The following EHBP1L1 variants were observed in gnomAD, a reference collection of about 807,000 sequenced individuals.
EHBP1L1 encodes EH domain-binding protein 1-like protein 1.
In EHBP1L1, 122 loss-of-function variants were observed where a neutral mutation model predicts 151.1. That is an observed-to-expected ratio of 0.81 (90% confidence interval 0.70 to 0.94). The LOEUF (loss-of-function observed/expected upper bound fraction) is 0.94, where lower values mean the gene tolerates loss of function less well. EHBP1L1 is among the 40% of genes least tolerant of loss of function. The pLI, the probability that EHBP1L1 is intolerant of heterozygous loss-of-function variation, is 0.00. For synonymous variants in EHBP1L1, 878 were observed against 810.1 expected (o/e 1.08, Z -1.42); for missense variants, 1,941 against 1,959.8 (o/e 0.99, Z 0.18).
chr11:65,591,790 C>CCCCCCCA lies in EHBP1L1; in HGVS notation c.4284-10_4284-9insCCCCCCA. ...CACCCCCCCGCCACCCACCCCCCGCCACCTTCCAGCATGGAGGAGCAGGAC... is the reference window on the plus strand; with the variant it reads ...CACCCCCCCGCCACCCACCCCCCGCCCCCCCCAACCTTCCAGCATGGAGGAGCAGGAC... On this transcript the variant is annotated splice_polypyrimidine_tract_variant and intron_variant, in intron 16 of 18. Coordinates refer to ENST00000309295, the MANE Select transcript of EHBP1L1 (RefSeq NM_001099409.3). 3.3e-6 allele frequency: 5 copies of CCCCCCCA among 1,535,808 alleles called. No individual in the cohort carries two copies. Among genetic ancestry groups the CCCCCCCA allele is most frequent in the Non-Finnish European group, 4.4e-6 (5 of 1,136,512 alleles).
intron 12 of EHBP1L1, among the ~76,000 whole-genome samples, chr11:65,586,529 G>A (rs974976689): frequency 3.3e-5 from 5 of 152,242 alleles, no homozygotes; most frequent in Non-Finnish European, 7.3e-5. Context: ...TTTCCCAGGT[G>A]AAAAATGAGT....
At chr11:65,578,659 C>A (rs544746207) in intron 1 of EHBP1L1, among the ~76,000 whole-genome samples, 1 of 152,222 alleles carries the variant, frequency 6.6e-6, no homozygotes, top group Non-Finnish European at 1.5e-5. Context: ...CATCTTTGTG[C>A]GAAGGGACTT....
rs1309346138 is a variant in EHBP1L1, at chr11:65,583,094, G to A, written c.2422G>A (p.Glu808Lys). 6.2e-7 allele frequency: 1 copy of A among 1,613,478 alleles called. No individual in the cohort carries two copies. The highest frequency in any genetic ancestry group is 1.7e-5 in the Admixed American group (1 of 60,008). Residue 808 changes from glutamate to lysine, a missense_variant, in exon 9 of 19, where the codon GAG becomes AAG. By Grantham distance (56) the Glu-to-Lys change is moderately conservative (BLOSUM62 1). Transcript: ENST00000309295. The stretch of plus-strand genomic sequence containing the variant: ...AGAGGTTGGGGGTTCAGAGGTTCCA[G>A]AGATAGCGACTGGGACAGCAGAAAC... Reference protein sequence around the residue: ...VKEVGGSEVPEIATGTAETEI... With the variant: ...VKEVGGSEVPKIATGTAETEI...
intron 2 of EHBP1L1, 51 bp from the exon 3 acceptor site, chr11:65,579,290 G>C: frequency 2.0e-6 from 3 of 1,504,474 alleles, no homozygotes; most frequent in Non-Finnish European, 2.7e-6. Flanking sequence ...AGGGGGTGCA[G>C]GTGGGAGGGA....
chr11:65,587,371 CAAAA>C (rs113665152), intron 12 of EHBP1L1, among the ~76,000 whole-genome samples: 13 of 99,412 alleles, frequency 1.3e-4, no homozygotes, highest in African/African-American at 3.7e-4. Context: ...GACTCCGTCT[CAAAA>C]AAAAAAAAAA....
intron 16 of EHBP1L1, 34 bp from the exon 17 acceptor site, chr11:65,591,766 A>ACC (rs71036214): frequency 2.7e-4 from 219 of 808,326 alleles, no homozygotes; most frequent in African/African-American, 1.2e-3. Context: ...CTGAACTGCC[A>ACC]CCCCCCCGCC....
chr11:65,589,786 C>A lies in EHBP1L1; in HGVS notation c.3969C>A (p.Gly1323=). 6.4e-7 allele frequency: 1 copy of A among 1,560,216 alleles called. No homozygotes were observed. ...CCCCTGACCCCAGCCCTGCCCCAGG[C>A]CCACCCACAGCTGCAGACTCTCAAC... is the stretch of plus-strand genomic sequence containing the variant. ...GQAPDPSPAP[G]PPTAADSQQP... is the part of the protein sequence containing the mutation. The change falls in exon 13 of 19, where the codon GGC becomes GGA. Residue 1323 remains glycine, a synonymous_variant. Coordinates refer to ENST00000309295, the MANE Select transcript of EHBP1L1 (RefSeq NM_001099409.3).
chr11:65,578,773 T>G (rs577912315), intron 1 of EHBP1L1, among the ~76,000 whole-genome samples: 2 of 152,378 alleles, frequency 1.3e-5, no homozygotes, highest in East Asian at 3.9e-4. Flanking sequence ...TCCTTGTGTT[T>G]CTGTGTGTCT....
chr11:65,590,790 C>T (rs538765451), intron 16 of EHBP1L1, among the ~76,000 whole-genome samples, 198 bp downstream of exon 16: 9 of 152,332 alleles, frequency 5.9e-5, no homozygotes, highest in African/African-American at 2.2e-4. Context: ...AATCCCAGCA[C>T]CTGGGGAGGC....
At chr11:65,576,889 C>T (rs948505286) in intron 1 of EHBP1L1, among the ~76,000 whole-genome samples, 11 of 152,272 alleles carry the variant, frequency 7.2e-5, no homozygotes, top group African/African-American at 2.4e-4. Context: ...ACTCCCGCCT[C>T]TTCAGCCAGA....
At position 65,592,369 on chromosome 11, in the gene EHBP1L1, C is replaced by T; in HGVS notation, c.*67C>T. 1 of 1,187,058 alleles carries T rather than the reference C, an allele frequency of 8.4e-7. No homozygotes were observed. The highest frequency in any genetic ancestry group is 1.1e-6 in the Non-Finnish European group (1 of 949,788). 73.5% of individuals were successfully genotyped at this position (1,187,058 alleles called of 1,614,324 possible). A position where few individuals can be genotyped will look rare whatever the true frequency, so the allele number is the denominator to read the frequency against. Reference sequence around the variant, plus strand: ...CGTCCGCCGCCGCCCCGGGCCTGCGCTGCGGACGACCCGGCCGTCCCGGAG... The same window carrying T: ...CGTCCGCCGCCGCCCCGGGCCTGCGTTGCGGACGACCCGGCCGTCCCGGAG... On this transcript the variant is annotated 3_prime_UTR_variant, in exon 19 of 19. Coordinates refer to ENST00000309295, the MANE Select transcript of EHBP1L1 (RefSeq NM_001099409.3).
At position 65,580,495 on chromosome 11, in the gene EHBP1L1, G is replaced by T; in HGVS notation, c.634+16G>T. 6.2e-7 allele frequency: 1 copy of T among 1,607,760 alleles called. No individual in the cohort carries two copies. The highest frequency in any genetic ancestry group is 2.2e-5 in the East Asian group (1 of 44,874). ...CCCCAGCCAGGTGGGCTCACAGCCT[G>T]CTGTGGATCGAGACTGCCAAGACCT... On this transcript the variant is annotated intron_variant, in intron 6 of 18. Transcript: ENST00000309295.
Position 65,576,061 on chromosome 11 carries a change from GCGCGCTCCCAGCTC to G in EHBP1L1, c.-234_-221del, listed in dbSNP as rs1173934061. ...GACGGGGGTGCGGCTCCAGGAAACG[GCGCGCTCCCAGCTC>G]CGCGCTCGCCACCCGACGCGCCCCA... is the stretch of plus-strand genomic sequence containing the variant. On this transcript the variant is annotated 5_prime_UTR_variant, in exon 1 of 19. Coordinates refer to ENST00000309295, the MANE Select transcript of EHBP1L1 (RefSeq NM_001099409.3). 3.6e-6 allele frequency: 1 copy of G among 280,478 alleles called. No homozygotes were observed. The highest frequency in any genetic ancestry group is 6.6e-6 in the Non-Finnish European group (1 of 151,584). 17.4% of individuals were successfully genotyped at this position (280,478 alleles called of 1,614,324 possible). A position where few individuals can be genotyped will look rare whatever the true frequency, so the allele number is the denominator to read the frequency against.
rs116795314 is a variant in EHBP1L1, at chr11:65,589,093, C to T, written c.3934-658C>T. 3.1e-3 allele frequency among the ~76,000 whole-genome samples: 476 copies of T among 152,232 alleles called. 4 individuals carry two copies. Among genetic ancestry groups the T allele is most frequent in the African/African-American group, 0.011 (447 of 41,522 alleles). ...ACTAGGTGACAGAAGTCAGAGGTGG[C>T]CTGAGGGAATTCCATGGAAGAGGAG... On this transcript the variant is annotated intron_variant, in intron 12 of 18. Coordinates refer to ENST00000309295, the MANE Select transcript of EHBP1L1 (RefSeq NM_001099409.3).
intron 6 of EHBP1L1, 135 bp from the exon 7 acceptor site, chr11:65,580,923 C>T (rs907226027): frequency 1.7e-5 from 25 of 1,440,020 alleles, no homozygotes; most frequent in South Asian, 3.0e-5. Context: ...TGTCTCTTCT[C>T]GCAGGCCGGG....
Position 65,592,258 on chromosome 11 carries a change from C to G in EHBP1L1, c.4528C>G (p.Leu1510Val). The change falls in exon 19 of 19, where the codon CTG (leucine) becomes GTG (valine). Residue 1510 changes from leucine (L) to valine (V), a missense_variant. Transcript: ENST00000309295. ...CGGCCTGGAACAGCGGCGCCGCAAGCTGAGCCGGCAGTTGAGCCGGCGGGA... is the reference window on the plus strand; with the variant it reads ...CGGCCTGGAACAGCGGCGCCGCAAGGTGAGCCGGCAGTTGAGCCGGCGGGA... ...ERGLEQRRRKLSRQLSRRERC... is the reference protein window; with the variant it reads ...ERGLEQRRRKVSRQLSRRERC... 6.5e-7 allele frequency: 1 copy of G among 1,532,896 alleles called. No individual in the cohort carries two copies. The allele number at this position is 1,532,896 out of a possible 1,614,324, so 95.0% of individuals were successfully genotyped here. A position where few individuals can be genotyped will look rare whatever the true frequency, so the allele number is the denominator to read the frequency against.
Position 65,581,196 on chromosome 11 carries a change from C to T in EHBP1L1, c.704-15C>T. The T allele has an allele frequency of 6.2e-7, 1 of 1,609,330 alleles. No individual in the cohort carries two copies. On this transcript the variant is annotated splice_polypyrimidine_tract_variant and intron_variant, in intron 7 of 18. Transcript: ENST00000309295. Reference sequence around the variant, plus strand: ...CACTGGGCCCAGGCCACAGTGTCCCCCTCTTTCTTCTCAGTTGCCAGCCCT... The same window carrying T: ...CACTGGGCCCAGGCCACAGTGTCCCTCTCTTTCTTCTCAGTTGCCAGCCCT...
In EHBP1L1 at chr11:65,585,264, G is replaced by T; in HGVS notation, c.3606G>T (p.Gly1202=). The change falls in exon 12 of 19, where the codon GGG becomes GGT. Residue 1202 remains glycine (G), a synonymous_variant. Transcript: ENST00000309295. This position sits in a 1 kb window ranked among gnomAD's most constrained non-coding sequence, Gnocchi z 4.0. ...AGGAGGCCGCAGACCGCGCAGACGG[G>T]GCGGCCCCGGGGGTGGCCTCCAGGA... The part of the protein sequence containing the change: ...EPKEAADRAD[G]AAPGVASRNA... 9.2e-7 allele frequency: 1 copy of T among 1,085,336 alleles called. No individual in the cohort carries two copies. Among genetic ancestry groups the T allele is most frequent in the Non-Finnish European group, 1.1e-6 (1 of 894,064 alleles). 67.2% of individuals were successfully genotyped at this position (1,085,336 alleles called of 1,614,324 possible). A position where few individuals can be genotyped will look rare whatever the true frequency, so the allele number is the denominator to read the frequency against.
In EHBP1L1 at chr11:65,581,829, G is replaced by C. The variant is rs757225418; in HGVS notation, c.1157G>C (p.Arg386Thr). 1 of 1,613,650 alleles carries C rather than the reference G, an allele frequency of 6.2e-7. No homozygotes were observed. The highest frequency in any genetic ancestry group is 8.5e-7 in the Non-Finnish European group (1 of 1,179,800). ...LKAEEMDTED[R>T]PEASGVDTEP... ...GCTGAAGAGATGGACACTGAGGACAGGCCAGAGGCCAGTGGGGTGGACACT... is the reference window on the plus strand; with the variant it reads ...GCTGAAGAGATGGACACTGAGGACACGCCAGAGGCCAGTGGGGTGGACACT... The change falls in exon 9 of 19, where the codon AGG (arginine) becomes ACG (threonine). Residue 386 changes from arginine to threonine, a missense_variant. Physicochemically the swap from Arg to Thr is moderately conservative, Grantham distance 71. Transcript: ENST00000309295.
Sources: allele counts gnomAD v4.1 joint callset (sites outside exome capture counted in the v4.1 genomes callset), GRCh38; gene constraint gnomAD v4.1.1; non-coding constraint Gnocchi (gnomAD v3.1); transcripts MANE v1.5; gene names NCBI Gene and HGNC (gene_info 2026-07-23, HGNC 2026-07-21).